The following WDR7 variants were observed in gnomAD, a reference collection of about 807,000 sequenced individuals.
WDR7 encodes WD repeat-containing protein 7.
Under a neutral mutation model 169.4 loss-of-function variants are expected in WDR7, and 46 were observed. That is an observed-to-expected ratio of 0.27 (90% CI 0.21 to 0.35). WDR7 has a LOEUF of 0.35. WDR7 is among the 10% of genes least tolerant of loss of function. The probability of loss-of-function intolerance (pLI) is 1.00; values close to 1 mark genes in which losing one functional copy is unlikely to be tolerated. For missense variants in WDR7, 1,534 were observed against 1,859.3 expected, an observed-to-expected ratio of 0.83 and a Z score of 3.22; for synonymous variants, 612 against 666.8, an observed-to-expected ratio of 0.92 and a Z score of 1.27.
chr18:57,013,301 T>A (rs2048162678), intron 26 of WDR7, among the ~76,000 whole-genome samples: 1 of 152,198 alleles, frequency 6.6e-6, no homozygotes, highest in Non-Finnish European at 1.5e-5. Context: ...GGCCTGGTTC[T>A]TAACAGGCCA....
At chr18:57,034,242 C>A (rs1225338017), downstream of WDR7, 2 of 152,260 alleles carry the variant, frequency 1.3e-5, no homozygotes, top group Non-Finnish European at 2.9e-5. Context: ...GACCCAGCCC[C>A]AAGCTCCATT....
intron 1 of WDR7, among the ~76,000 whole-genome samples, chr18:56,662,296 G>T (rs958543748): frequency 3.9e-5 from 6 of 152,214 alleles, no homozygotes; most frequent in African/African-American, 1.4e-4. Context: ...TTGAGAGCTA[G>T]ACAAACAGTG....
intron 16 of WDR7, among the ~76,000 whole-genome samples, chr18:56,771,541 G>A (rs1484024984): frequency 3.3e-5 from 5 of 150,230 alleles, no homozygotes; most frequent in Admixed American, 2.0e-4. Flanking sequence ...GGGTGACATG[G>A]CAAAACCCCA....
In WDR7 at chr18:56,654,566, A is replaced by G. The variant is rs1349769580; in HGVS notation, c.-20+2990A>G. Among the ~76,000 whole-genome samples the G allele has an allele frequency of 2.6e-5, 4 of 152,102 alleles. No homozygotes were observed. In the East Asian group the frequency reaches 7.7e-4, roughly 29 times the overall value. ...GATTTGCGGACATTTCTTGTATTCC[A>G]TAGATACTAATCATTTAAGTATTAC... On this transcript the variant is annotated intron_variant, in intron 1 of 27. Transcript: ENST00000254442.
At chr18:56,847,716 G>A (rs946252354) in intron 20 of WDR7, among the ~76,000 whole-genome samples, 4 of 152,174 alleles carry the variant, frequency 2.6e-5, no homozygotes, top group African/African-American at 7.2e-5. Context: ...TCCCAGCCAC[G>A]CCAGCTCCAG....
intron 20 of WDR7, among the ~76,000 whole-genome samples, chr18:56,856,849 C>T (rs1157897552): frequency 6.6e-6 from 1 of 152,084 alleles, no homozygotes; most frequent in Non-Finnish European, 1.5e-5. Context: ...AGATTTTTAG[C>T]TGAGACCACA....
chr18:56,714,710 G>A (rs1194358356), intron 12 of WDR7, among the ~76,000 whole-genome samples: 5 of 151,988 alleles, frequency 3.3e-5, no homozygotes, highest in East Asian at 1.9e-4. Flanking sequence ...CACTGTGCCC[G>A]GCCTGGACCA....
At position 56,694,938 on chromosome 18, in the gene WDR7, A is replaced by T; in HGVS notation, c.1109-12A>T. 1 of 1,601,346 alleles carries T rather than the reference A, an allele frequency of 6.2e-7. No individual in the cohort carries two copies. The highest frequency in any genetic ancestry group is 2.2e-5 in the East Asian group (1 of 44,670). ...AAATGTTTTTCTTTTATACAAAACC[A>T]AACCTCTACAGGGCTGGCAATGACA... On this transcript the variant is annotated splice_polypyrimidine_tract_variant and intron_variant, in intron 10 of 27. Coordinates refer to ENST00000254442, the MANE Select transcript of WDR7 (RefSeq NM_015285.3).
chr18:56,773,113 CCTT>C (rs929588894), intron 16 of WDR7, among the ~76,000 whole-genome samples: 7 of 152,090 alleles, frequency 4.6e-5, no homozygotes, highest in Non-Finnish European at 1.0e-4. Context: ...AAGCACAGTG[CCTT>C]CTTGTATAAT....
At chr18:56,652,556 G>A (rs2024679590) in intron 1 of WDR7, among the ~76,000 whole-genome samples, 1 of 152,158 alleles carries the variant, frequency 6.6e-6, no homozygotes, top group African/African-American at 2.4e-5. Context: ...TGAACATAAT[G>A]TGTTGAAATG....
chr18:56,801,155 A>G (rs377722352), intron 19 of WDR7, among the ~76,000 whole-genome samples: 4 of 152,196 alleles, frequency 2.6e-5, no homozygotes, highest in African/African-American at 9.6e-5. Flanking sequence ...AATTTGAGAA[A>G]TCTTTCATTA....
At chr18:56,716,181 C>T (rs2026187955) in intron 12 of WDR7, among the ~76,000 whole-genome samples, 1 of 152,110 alleles carries the variant, frequency 6.6e-6, no homozygotes, top group Admixed American at 6.6e-5. Flanking sequence ...AACTACCCCT[C>T]AGTATTTAAT....
At chr18:56,801,441 C>T (rs930886511) in intron 19 of WDR7, among the ~76,000 whole-genome samples, 4 of 152,200 alleles carry the variant, frequency 2.6e-5, no homozygotes, top group African/African-American at 7.2e-5. Context: ...TGGGTTCCCT[C>T]GGCATTTTGG....
chr18:56,884,343 T>C (rs951747925), intron 21 of WDR7, among the ~76,000 whole-genome samples: 23 of 152,208 alleles, frequency 1.5e-4, no homozygotes. Flanking sequence ...AGCCAGTCTT[T>C]TGATGGGATT....
At chr18:56,941,742 C>A (rs973386005) in intron 25 of WDR7, among the ~76,000 whole-genome samples, 5 of 152,208 alleles carry the variant, frequency 3.3e-5, no homozygotes, top group African/African-American at 9.7e-5. Context: ...GTGGCCTTTA[C>A]ACTTTCTCCT....
intron 14 of WDR7, among the ~76,000 whole-genome samples, chr18:56,745,230 G>T (rs2043684224): frequency 6.6e-6 from 1 of 152,154 alleles, no homozygotes; most frequent in Non-Finnish European, 1.5e-5. Context: ...TTGAAAGCAA[G>T]ATAACAGCAT....
At chr18:56,707,666 A>G (rs1482572935) in intron 12 of WDR7, among the ~76,000 whole-genome samples, 3 of 152,122 alleles carry the variant, frequency 2.0e-5, no homozygotes, top group African/African-American at 4.8e-5. Flanking sequence ...GCGTTTGTCA[A>G]CATGACCCCA....
intron 20 of WDR7, among the ~76,000 whole-genome samples, chr18:56,822,632 AT>A (rs1200440910): frequency 6.6e-6 from 1 of 152,184 alleles, no homozygotes; most frequent in African/African-American, 2.4e-5. Context: ...TGCCTTTCTC[AT>A]TCTTTAACTG....
At chr18:56,829,281 C>T (rs1372059382) in intron 20 of WDR7, among the ~76,000 whole-genome samples, 1 of 151,352 alleles carries the variant, frequency 6.6e-6, no homozygotes, top group Non-Finnish European at 1.5e-5. Flanking sequence ...ATAAACAAAC[C>T]CCAACCTCCC....
Sources: allele counts gnomAD v4.1 joint callset (sites outside exome capture counted in the v4.1 genomes callset), GRCh38; gene constraint gnomAD v4.1.1; transcripts MANE v1.5; gene names NCBI Gene and HGNC (gene_info 2026-07-23, HGNC 2026-07-21).